Variants in FIGN observed in about 807,000 individuals in gnomAD.
FIGN encodes fidgetin.
Under a neutral mutation model 51.3 loss-of-function variants are expected in FIGN, and 11 were observed. The ratio of observed to expected loss-of-function variants is 0.21; its 90% CI spans 0.13 to 0.35. The LOEUF (loss-of-function observed/expected upper bound fraction) is 0.35, where lower values mean the gene tolerates loss of function less well. Among genes scored for constraint, FIGN ranks in the 10% least tolerant of loss-of-function variants. The pLI is 1.00. For missense variants in FIGN, 857 were observed against 943.6 expected, an observed-to-expected ratio of 0.91 and a Z score of 1.20; for synonymous variants, 407 against 363.2, an observed-to-expected ratio of 1.12 and a Z score of -1.37.
rs145810281 is a variant in FIGN at position 163,668,525 on chromosome 2, C to T, written c.26-56719G>A. 9.9e-3 allele frequency among the ~76,000 whole-genome samples: 1,506 copies of T among 152,238 alleles called. 12 individuals carry two copies. The highest frequency in any genetic ancestry group is 0.048 in the Middle Eastern group (14 of 294). On this transcript the variant is annotated intron_variant, in intron 2 of 2. Transcript: ENST00000333129. ...TTAGGAGTTGAGATAGGAATGAAAG[C>T]CTGATTTGAATTGAATTCCATCTCT...
intron 2 of FIGN, among the ~76,000 whole-genome samples, chr2:163,657,500 C>CTG (rs72033079): frequency 0.049 from 7,232 of 146,804 alleles, 156 homozygotes; most frequent in Non-Finnish European, 0.059. Flanking sequence ...CAGAGGGAGT[C>CTG]TGTGTGTGTG....
intron 2 of FIGN, among the ~76,000 whole-genome samples, chr2:163,685,413 G>GATCA (rs1429140010): frequency 6.6e-6 from 1 of 152,106 alleles, no homozygotes; most frequent in African/African-American, 2.4e-5. Flanking sequence ...AAGTTTTTCA[G>GATCA]ATCAATCACT....
intron 2 of FIGN, among the ~76,000 whole-genome samples, chr2:163,706,968 C>G (rs961792300): frequency 1.3e-5 from 2 of 152,182 alleles, no homozygotes; most frequent in South Asian, 2.1e-4. Flanking sequence ...TCAGTTACAT[C>G]TGGAAGGAGA....
At chr2:163,653,051 C>T (rs1028515474) in intron 2 of FIGN, among the ~76,000 whole-genome samples, 7 of 152,062 alleles carry the variant, frequency 4.6e-5, no homozygotes, top group African/African-American at 1.7e-4. Flanking sequence ...AATTTTAGCC[C>T]TACTACTTAC....
intron 2 of FIGN, among the ~76,000 whole-genome samples, chr2:163,733,242 G>A (rs1050455657): frequency 3.9e-5 from 6 of 152,064 alleles, no homozygotes; most frequent in Non-Finnish European, 7.4e-5. Flanking sequence ...TAAGAGGGGG[G>A]CAATTTACAC....
intron 2 of FIGN, among the ~76,000 whole-genome samples, chr2:163,647,645 A>G (rs1683402725): frequency 6.6e-6 from 1 of 152,212 alleles, no homozygotes; most frequent in African/African-American, 2.4e-5. Context: ...TTTTTCTTCC[A>G]TAACCTGATT....
chr2:163,622,441 C>T (rs78106536), intron 2 of FIGN, among the ~76,000 whole-genome samples: 2,246 of 152,162 alleles, frequency 0.015, 46 homozygotes, highest in African/African-American at 0.043. Context: ...AAATTTTATA[C>T]TTCTTATTGA....
chr2:163,626,387 G>T (rs1683054060), intron 2 of FIGN, among the ~76,000 whole-genome samples: 3 of 152,006 alleles, frequency 2.0e-5, no homozygotes, highest in Non-Finnish European at 4.4e-5. Context: ...AACTAAGAGG[G>T]TTCATTGCCT....
chr2:163,638,909 T>TAA (rs765083852), intron 2 of FIGN, among the ~76,000 whole-genome samples: 2 of 149,080 alleles, frequency 1.3e-5, no homozygotes, highest in African/African-American at 2.4e-5. Context: ...TTTTCTCCTC[T>TAA]AAAAAAAACA....
intron 2 of FIGN, among the ~76,000 whole-genome samples, chr2:163,708,077 TA>T (rs1221347442): frequency 6.6e-6 from 1 of 152,134 alleles, no homozygotes; most frequent in Non-Finnish European, 1.5e-5. Context: ...CAAAAAAAAT[TA>T]ATTTGATGTC....
chr2:163,626,795 G>T (rs1265360385), intron 2 of FIGN, among the ~76,000 whole-genome samples: 2 of 152,094 alleles, frequency 1.3e-5, no homozygotes, highest in Admixed American at 6.6e-5. Flanking sequence ...GATAAAACAG[G>T]TTGCGGTAAA....
chr2:163,648,033 C>G (rs748597961), intron 2 of FIGN, among the ~76,000 whole-genome samples: 1 of 152,042 alleles, frequency 6.6e-6, no homozygotes, highest in African/African-American at 2.4e-5. Context: ...CACCCAGGCA[C>G]ATGCAAGCAG....
At chr2:163,697,100 CTTTCTT>C (rs1684333424) in intron 2 of FIGN, among the ~76,000 whole-genome samples, 2 of 108,430 alleles carry the variant, frequency 1.8e-5, no homozygotes, top group African/African-American at 3.7e-5. Context: ...CTTTTCTTTT[CTTTCTT>C]TTTTTTTTTT....
intron 2 of FIGN, among the ~76,000 whole-genome samples, chr2:163,723,278 A>G (rs1684788413): frequency 6.6e-6 from 1 of 152,160 alleles, no homozygotes; most frequent in African/African-American, 2.4e-5. Flanking sequence ...TCAATTCACC[A>G]AACATTTATT....
chr2:163,630,577 C>T (rs1045348663), intron 2 of FIGN, among the ~76,000 whole-genome samples: 1 of 150,338 alleles, frequency 6.7e-6, no homozygotes. Flanking sequence ...AGTGGACAAC[C>T]TTTCTATTGC....
At chr2:163,718,283 T>C (rs1477008345) in intron 2 of FIGN, among the ~76,000 whole-genome samples, 2 of 152,152 alleles carry the variant, frequency 1.3e-5, no homozygotes, top group African/African-American at 4.8e-5. Flanking sequence ...TTTGTTCCAT[T>C]TGCATGATGC....
At chr2:163,621,651 T>G (rs1469844837) in intron 2 of FIGN, among the ~76,000 whole-genome samples, 1 of 152,084 alleles carries the variant, frequency 6.6e-6, no homozygotes, top group Non-Finnish European at 1.5e-5. Context: ...TCTAGTGAAA[T>G]AGACCTGGTG....
At chr2:163,671,100 A>T (rs1484248813) in intron 2 of FIGN, among the ~76,000 whole-genome samples, 1 of 152,168 alleles carries the variant, frequency 6.6e-6, no homozygotes. Flanking sequence ...ATTTTACAAG[A>T]TATTGCACCA....
At chr2:163,681,970 G>A (rs1684072005) in intron 2 of FIGN, among the ~76,000 whole-genome samples, 1 of 152,174 alleles carries the variant, frequency 6.6e-6, no homozygotes, top group Non-Finnish European at 1.5e-5. Flanking sequence ...ACACCGGATT[G>A]GACATATCCC....
Sources: allele counts gnomAD v4.1 joint callset (sites outside exome capture counted in the v4.1 genomes callset), GRCh38; gene constraint gnomAD v4.1.1; transcripts MANE v1.5; gene names NCBI Gene and HGNC (gene_info 2026-07-23, HGNC 2026-07-21).